LRP1B: variants seen among roughly 807,000 people sequenced by gnomAD.
LRP1B encodes low-density lipoprotein receptor-related protein 1B.
In LRP1B, 217 loss-of-function variants were observed where a neutral mutation model predicts 556.6. The ratio of observed to expected loss-of-function variants is 0.39; its 90% CI spans 0.35 to 0.44. The LOEUF (loss-of-function observed/expected upper bound fraction) is 0.44. Among genes scored for constraint, LRP1B ranks in the 20% least tolerant of loss-of-function variants. The pLI is 1.00. For missense variants in LRP1B, 5,053 were observed against 5,620.8 expected (o/e 0.90, Z 3.23); for synonymous variants, 2,047 against 1,865.8 (o/e 1.10, Z -2.50).
intron 28 of LRP1B, among the ~76,000 whole-genome samples, chr2:140,850,633 T>A (rs1271840975): frequency 1.3e-5 from 2 of 152,196 alleles, no homozygotes; most frequent in Non-Finnish European, 2.9e-5. Context: ...ACTACGAGTG[T>A]CGGATACCAT....
At chr2:140,296,916 T>C (rs1229002740) in intron 84 of LRP1B, among the ~76,000 whole-genome samples, 1 of 152,140 alleles carries the variant, frequency 6.6e-6, no homozygotes, top group Admixed American at 6.5e-5. Context: ...GTAATGCTTC[T>C]GTTAAAAAAG....
chr2:141,724,095 CTCAA>C (rs1692942820), intron 2 of LRP1B, among the ~76,000 whole-genome samples: 1 of 151,890 alleles, frequency 6.6e-6, no homozygotes, highest in South Asian at 2.1e-4. Context: ...ACCTTGATGA[CTCAA>C]TCAGATTTTG....
chr2:141,247,614 T>C (rs1416514383), intron 4 of LRP1B, among the ~76,000 whole-genome samples: 5 of 152,206 alleles, frequency 3.3e-5, no homozygotes, highest in African/African-American at 1.2e-4. Flanking sequence ...GCTAGAAGTC[T>C]TTGGATATTT....
At chr2:141,351,135 C>T (rs1688429058) in intron 3 of LRP1B, among the ~76,000 whole-genome samples, 1 of 151,984 alleles carries the variant, frequency 6.6e-6, no homozygotes, top group African/African-American at 2.4e-5. Context: ...TCTGACCCTA[C>T]ATCAACTTGG....
intron 35 of LRP1B, among the ~76,000 whole-genome samples, chr2:140,740,548 A>G (rs1688101487): frequency 6.6e-6 from 1 of 152,158 alleles, no homozygotes; most frequent in South Asian, 2.1e-4. Context: ...GACTGCAAAT[A>G]GGGTGCAGTG....
intron 68 of LRP1B, among the ~76,000 whole-genome samples, chr2:140,377,495 T>A (rs1683287037): frequency 6.6e-6 from 1 of 152,160 alleles, no homozygotes; most frequent in South Asian, 2.1e-4. Flanking sequence ...TTAGATTTGA[T>A]TGAGAAAAAT....
intron 32 of LRP1B, among the ~76,000 whole-genome samples, chr2:140,806,244 G>T (rs1294811321): frequency 6.6e-6 from 1 of 152,016 alleles, no homozygotes; most frequent in African/African-American, 2.4e-5. Flanking sequence ...CTCAGCCTAT[G>T]TTAATTTGCT....
At chr2:141,944,018 T>C in intron 1 of LRP1B, among the ~76,000 whole-genome samples, 1 of 152,158 alleles carries the variant, frequency 6.6e-6, no homozygotes, top group Non-Finnish European at 1.5e-5. Flanking sequence ...TCCTCCCCTC[T>C]GCAAATGGCA....
intron 79 of LRP1B, among the ~76,000 whole-genome samples, chr2:140,326,179 A>C (rs1361038499): frequency 5.9e-5 from 9 of 152,120 alleles, no homozygotes; most frequent in Non-Finnish European, 1.5e-5. Context: ...AATTTTAGCT[A>C]TTCTCTAATA....
chr2:140,987,245 GAA>G (rs1163054728), intron 17 of LRP1B, among the ~76,000 whole-genome samples: 2 of 151,998 alleles, frequency 1.3e-5, no homozygotes, highest in Non-Finnish European at 2.9e-5. Flanking sequence ...ATATACTGAC[GAA>G]AAGATCTAGT....
intron 31 of LRP1B, among the ~76,000 whole-genome samples, chr2:140,836,257 A>G (rs938281857): frequency 2.0e-5 from 3 of 152,206 alleles, no homozygotes; most frequent in African/African-American, 7.2e-5. Context: ...GTTATATACT[A>G]TTATCTCCAT....
intron 20 of LRP1B, among the ~76,000 whole-genome samples, chr2:140,948,007 T>G (rs1345120497): frequency 6.6e-6 from 1 of 152,138 alleles, no homozygotes; most frequent in Non-Finnish European, 1.5e-5. Flanking sequence ...TCTACAATAG[T>G]GAAACCTGAG....
intron 1 of LRP1B, among the ~76,000 whole-genome samples, chr2:141,891,949 C>T (rs1019019632): frequency 5.3e-5 from 8 of 151,864 alleles, no homozygotes; most frequent in Non-Finnish European, 7.4e-5. Flanking sequence ...TTTTTGTATA[C>T]GGCTGATCTT....
At chr2:141,336,273 T>A (rs1687847357) in intron 3 of LRP1B, among the ~76,000 whole-genome samples, 1 of 152,100 alleles carries the variant, frequency 6.6e-6, no homozygotes, top group Admixed American at 6.5e-5. Flanking sequence ...TTACTGCACC[T>A]CCTAGGCTAC....
intron 43 of LRP1B, among the ~76,000 whole-genome samples, chr2:140,590,522 T>C (rs1486778702): frequency 6.6e-6 from 1 of 150,802 alleles, no homozygotes; most frequent in Non-Finnish European, 1.5e-5. Context: ...AAGGGTAGGT[T>C]ACTAATTTTA....
intron 66 of LRP1B, among the ~76,000 whole-genome samples, chr2:140,389,587 A>T (rs575701767): frequency 6.6e-6 from 1 of 150,872 alleles, no homozygotes; most frequent in African/African-American, 2.4e-5. Flanking sequence ...TGATTTTTAT[A>T]CTGAAGACTA....
chr2:140,712,608 TA>T (rs1290325190), intron 37 of LRP1B, among the ~76,000 whole-genome samples: 1 of 152,044 alleles, frequency 6.6e-6, no homozygotes, highest in African/African-American at 2.4e-5. Context: ...AGAAAAACCT[TA>T]TACTCTACAA....
chr2:140,951,027 T>A (rs1460408121), intron 19 of LRP1B, among the ~76,000 whole-genome samples: 1 of 152,152 alleles, frequency 6.6e-6, no homozygotes, highest in Non-Finnish European at 1.5e-5. Flanking sequence ...CTGACTGAAT[T>A]CATCTATGCA....
intron 3 of LRP1B, among the ~76,000 whole-genome samples, chr2:141,463,613 AATTATGTATTATATATT>A (rs1682028749): frequency 1.0e-5 from 1 of 98,994 alleles, no homozygotes; most frequent in Admixed American, 1.1e-4. Flanking sequence ...TATTATATAT[AATTATGTATTATATATT>A]ATTATATATT....
Sources: allele counts gnomAD v4.1 joint callset (sites outside exome capture counted in the v4.1 genomes callset), GRCh38; gene constraint gnomAD v4.1.1; transcripts MANE v1.5; gene names NCBI Gene and HGNC (gene_info 2026-07-23, HGNC 2026-07-21).